The following PUM2 variants were observed in gnomAD, a reference collection of about 807,000 sequenced individuals.
The protein encoded by PUM2 is pumilio RNA binding family member 2.
In PUM2, 57 loss-of-function variants were observed where a neutral mutation model predicts 124.5. That is an observed-to-expected ratio of 0.46 (90% CI 0.37 to 0.57). The LOEUF is 0.57. PUM2 is among the 20% of genes least tolerant of loss of function. PUM2 has a pLI of 0.00. For missense variants in PUM2, 1,065 were observed against 1,290.6 expected, an observed-to-expected ratio of 0.83 and a Z score of 2.68; for synonymous variants, 460 against 446.1, an observed-to-expected ratio of 1.03 and a Z score of -0.39.
At position 20,311,678 on chromosome 2, in the gene PUM2, T is replaced by C. The variant is rs769193924; in HGVS notation, c.349-15A>G. On this transcript the variant is annotated splice_polypyrimidine_tract_variant and intron_variant, in intron 4 of 20. Transcript: ENST00000361078. Reference sequence around the variant, plus strand: ...TCTCTAGTGCCCTGAGGAAAAAGAATCTGTTTGATTCTGAATATTTAATAG... The same window carrying C: ...TCTCTAGTGCCCTGAGGAAAAAGAACCTGTTTGATTCTGAATATTTAATAG... 16 of 1,605,114 alleles carry C rather than the reference T, an allele frequency of 1.0e-5. 1 individual carries two copies. In the South Asian group the frequency reaches 1.7e-4, roughly 17 times the overall value.
At chr2:20,261,771 CAT>C (rs1174973996) in intron 14 of PUM2, among the ~76,000 whole-genome samples, 2 of 152,118 alleles carry the variant, frequency 1.3e-5, no homozygotes, top group Non-Finnish European at 2.9e-5. Flanking sequence ...GAAAAAGTCT[CAT>C]AGAATAAGCA....
intron 13 of PUM2, among the ~76,000 whole-genome samples, chr2:20,267,740 G>A (rs1022419429): frequency 6.6e-6 from 1 of 152,114 alleles, no homozygotes; most frequent in Non-Finnish European, 1.5e-5. Flanking sequence ...TGGTCCAAAA[G>A]GTATGGGACA....
chr2:20,282,014 C>G (rs1671650199), intron 12 of PUM2, among the ~76,000 whole-genome samples: 1 of 152,146 alleles, frequency 6.6e-6, no homozygotes, highest in Non-Finnish European at 1.5e-5. Context: ...GAAAAGAGAT[C>G]AGAAACAGAT....
chr2:20,302,862 C>T (rs990459141), intron 7 of PUM2, among the ~76,000 whole-genome samples: 20 of 152,168 alleles, frequency 1.3e-4, no homozygotes, highest in South Asian at 6.2e-4. Context: ...TGGCTGAAAT[C>T]GGTTAAAACC....
chr2:20,301,508 CTCTAA>C (rs1299223671), intron 7 of PUM2, among the ~76,000 whole-genome samples: 1 of 152,120 alleles, frequency 6.6e-6, no homozygotes, highest in East Asian at 1.9e-4. Context: ...TCATTTTGTA[CTCTAA>C]TCTATAACTG....
At chr2:20,261,622 G>C (rs181780093) in intron 14 of PUM2, among the ~76,000 whole-genome samples, 30 of 151,870 alleles carry the variant, frequency 2.0e-4, no homozygotes, top group African/African-American at 6.8e-4. Flanking sequence ...CAGCTCCATA[G>C]GTGTTGCTGC....
At chr2:20,351,561 C>T (rs1689343708), upstream of PUM2, among the ~76,000 whole-genome samples, 1 of 152,226 alleles carries the variant, frequency 6.6e-6, no homozygotes, top group South Asian at 2.1e-4. Context: ...GTACTAAGCG[C>T]TCTCTCCTTC....
chr2:20,254,690 T>G lies in PUM2; in HGVS notation c.2870+173A>C, dbSNP rs566666060. On this transcript the variant is annotated intron_variant, in intron 19 of 20. Coordinates refer to ENST00000361078, the MANE Select transcript of PUM2 (RefSeq NM_015317.5). ...TGAACATATGTGGGCAAAACAAATT[T>G]GTTATGTAGATTTTTTTAAAAAACA... Among the ~76,000 whole-genome samples the G allele has an allele frequency of 1.0e-3, 153 of 152,256 alleles. 1 individual carries two copies. The highest frequency in any genetic ancestry group is 3.5e-3 in the African/African-American group (147 of 41,532).
chr2:20,283,608 C>T (rs1672065413), intron 10 of PUM2, 122 bp from the exon 11 acceptor site: 1 of 1,001,576 alleles, frequency 1.0e-6, no homozygotes, highest in Non-Finnish European at 1.4e-6. Flanking sequence ...ACTATAAAAT[C>T]CTTAGTTAAT....
rs549228124 is a variant in PUM2 at position 20,340,001 on chromosome 2, AC to A, written c.-19+10595del. ...TAAATTCCTCAATGTAAAAAAAAAA[AC>A]GGCCAACTAAATCATACATTTAATT... On this transcript the variant is annotated intron_variant, in intron 1 of 20. Transcript: ENST00000361078. Among the ~76,000 whole-genome samples the A allele has an allele frequency of 1.7e-3, 261 of 151,950 alleles. 1 individual carries two copies. The highest frequency in any genetic ancestry group is 6.0e-3 in the African/African-American group (246 of 41,344).
chr2:20,330,908 A>C (rs1268329602), intron 1 of PUM2, among the ~76,000 whole-genome samples: 1 of 152,202 alleles, frequency 6.6e-6, no homozygotes, highest in Admixed American at 6.5e-5. Flanking sequence ...GAGTTAGACG[A>C]CGCCCAGCTG....
chr2:20,254,036 C>A (rs1664156721), intron 19 of PUM2, 22 bp from the exon 20 acceptor site: 4 of 1,580,562 alleles, frequency 2.5e-6, no homozygotes, highest in Non-Finnish European at 3.4e-6. Context: ...AGCAGATAAA[C>A]AAAGATTTGT....
chr2:20,349,056 A>G (rs1360765776), intron 1 of PUM2, among the ~76,000 whole-genome samples: 1 of 152,272 alleles, frequency 6.6e-6, no homozygotes, highest in African/African-American at 2.4e-5. Context: ...ACAGCTTTGT[A>G]AGAGCAAAGT....
chr2:20,311,372 A>G, intron 5 of PUM2, 122 bp downstream of exon 5: 1 of 1,180,540 alleles, frequency 8.5e-7, no homozygotes, highest in Non-Finnish European at 1.1e-6. Flanking sequence ...ATTTGTCCAG[A>G]TTAACACAAA....
intron 9 of PUM2, among the ~76,000 whole-genome samples, chr2:20,292,633 T>C (rs531361805): frequency 6.6e-6 from 1 of 152,266 alleles, no homozygotes; most frequent in Admixed American, 6.5e-5. Flanking sequence ...TTAGATTTTA[T>C]TAAAATTATT....
chr2:20,307,032 T>C (rs928507787), intron 7 of PUM2, among the ~76,000 whole-genome samples: 4 of 151,852 alleles, frequency 2.6e-5, no homozygotes, highest in Admixed American at 2.6e-4. Context: ...CTGGCCAACA[T>C]GGTAAAACCC....
At chr2:20,321,476 A>G (rs1195391859) in intron 2 of PUM2, among the ~76,000 whole-genome samples, 1 of 152,108 alleles carries the variant, frequency 6.6e-6, no homozygotes, top group Non-Finnish European at 1.5e-5. Flanking sequence ...TTAACACTCT[A>G]CCAAAGGCCT....
intron 1 of PUM2, among the ~76,000 whole-genome samples, chr2:20,346,738 T>C (rs951196242): frequency 2.0e-5 from 3 of 152,218 alleles, no homozygotes; most frequent in African/African-American, 7.2e-5. Flanking sequence ...CGCCCCGCCA[T>C]GACCACATTG....
intron 13 of PUM2, among the ~76,000 whole-genome samples, chr2:20,264,952 T>C (rs62123442): frequency 0.36 from 55,210 of 151,866 alleles, 10,161 homozygotes; most frequent in Middle Eastern, 0.43. Context: ...CATAGCATAT[T>C]ATGCATTATT....
Sources: allele counts gnomAD v4.1 joint callset (sites outside exome capture counted in the v4.1 genomes callset), GRCh38; gene constraint gnomAD v4.1.1; transcripts MANE v1.5; gene names NCBI Gene and HGNC (gene_info 2026-07-23, HGNC 2026-07-21).